The following PSMD6 variants were observed in gnomAD, a reference collection of about 807,000 sequenced individuals.
PSMD6 encodes proteasome 26S subunit, non-ATPase 6.
In PSMD6, 7 loss-of-function variants were observed where a neutral mutation model predicts 44.9. The observed-to-expected ratio is 0.16, with a 90% CI of 0.09 to 0.29. PSMD6 has a LOEUF of 0.29. PSMD6 is among the 10% of genes least tolerant of loss of function. The pLI, the probability that PSMD6 is intolerant of heterozygous loss-of-function variation, is 1.00. For synonymous variants in PSMD6, 184 were observed against 172.7 expected (o/e 1.07, Z -0.51); for missense variants, 420 against 482.6 (o/e 0.87, Z 1.21).
At chr3:64,013,216 C>G in intron 6 of PSMD6, 1 of 446,898 alleles carries the variant, frequency 2.2e-6, no homozygotes, top group Non-Finnish European at 3.9e-6. Context: ...CACTTAGCCT[C>G]ACTACAACTC....
chr3:64,010,798 A>C lies in PSMD6; in HGVS notation c.1074-34T>G, dbSNP rs776717867. On this transcript the variant is annotated intron_variant, in intron 7 of 7. Transcript: ENST00000295901. ...AAATTCAAGAAAAAATGAATTATTTACCAGTCACATTATTCCATGACAATA... is the reference window on the plus strand; with the variant it reads ...AAATTCAAGAAAAAATGAATTATTTCCCAGTCACATTATTCCATGACAATA... The C allele has an allele frequency of 3.2e-6, 5 of 1,580,994 alleles. No individual in the cohort carries two copies. In the South Asian group the frequency reaches 5.6e-5, roughly 18 times the overall value.
At chr3:64,022,603 G>A (rs765437191) in intron 1 of PSMD6, 80 bp from the exon 2 acceptor site, 4 of 1,534,536 alleles carry the variant, frequency 2.6e-6, no homozygotes, top group Non-Finnish European at 2.6e-6. Flanking sequence ...TTCACCCCCC[G>A]CCCCGCCACA....
intron 6 of PSMD6, 99 bp from the exon 7 acceptor site, chr3:64,011,054 T>TAAAATACTGTCTTAAATTTG: frequency 1.0e-6 from 1 of 981,940 alleles, no homozygotes; most frequent in Admixed American, 2.5e-5. Flanking sequence ...TAACAAACAT[T>TAAAATACTGTCTTAAATTTG]TAGCTTCCCT....
chr3:64,013,859 C>T (rs958172687), intron 5 of PSMD6: 3 of 336,570 alleles, frequency 8.9e-6, no homozygotes, highest in African/African-American at 4.2e-5. Context: ...TCTAAAGGAA[C>T]TTGTTCATAG....
rs116714080 is a variant in PSMD6 at position 64,011,500 on chromosome 3, G to C, written c.996-545C>G. 3.7e-3 allele frequency: 553 copies of C among 148,752 alleles called. 2 individuals are homozygous for C. Among genetic ancestry groups the C allele is most frequent in the African/African-American group, 0.014 (526 of 38,426 alleles). The allele number at this position is 148,752 out of a possible 1,614,324, so 9.2% of individuals were successfully genotyped here. A position where few individuals can be genotyped will look rare whatever the true frequency, so the allele number is the denominator to read the frequency against. On this transcript the variant is annotated intron_variant, in intron 6 of 7. Coordinates refer to ENST00000295901, the MANE Select transcript of PSMD6 (RefSeq NM_014814.3). Reference sequence around the variant, plus strand: ...TTTCATCTAAAATGTAACTTTTTAAGGGAGAAAAAAAGAATAAAGAATCCA... The same window carrying C: ...TTTCATCTAAAATGTAACTTTTTAACGGAGAAAAAAAGAATAAAGAATCCA...
At chr3:64,011,246 C>T (rs908022526) in intron 6 of PSMD6, 3 of 251,278 alleles carry the variant, frequency 1.2e-5, no homozygotes, top group Non-Finnish European at 2.2e-5. Context: ...AATTAGGGAC[C>T]AAAACTGATA....
intron 5 of PSMD6, among the ~76,000 whole-genome samples, chr3:64,017,998 G>T (rs2076073679): frequency 6.6e-6 from 1 of 152,204 alleles, no homozygotes; most frequent in South Asian, 2.1e-4. Flanking sequence ...GCAAATGTGT[G>T]AAGGCAGGAT....
chr3:64,018,613 A>T lies in PSMD6; in HGVS notation c.812T>A (p.Phe271Tyr). The T allele has an allele frequency of 1.3e-6, 2 of 1,569,512 alleles. No homozygotes were observed. Among genetic ancestry groups the T allele is most frequent in the Non-Finnish European group, 1.8e-6 (2 of 1,139,844 alleles). Residue 271 changes from phenylalanine to tyrosine, a missense_variant, in exon 5 of 8, where the codon TTC becomes TAC. This residue lies in a region of PSMD6 where 216 missense variants were observed against 227.0 expected (regional missense o/e 0.95). Coordinates refer to ENST00000295901, the MANE Select transcript of PSMD6 (RefSeq NM_014814.3). ...CCTATCCTTACCTAATGATTGGAAGAAAACAGAGTAACGGCATTCATAGAG... is the reference window on the plus strand; with the variant it reads ...CCTATCCTTACCTAATGATTGGAAGTAAACAGAGTAACGGCATTCATAGAG... The part of the protein sequence containing the change: ...FSLYECRYSV[F>Y]FQSLAVVEQE...
intron 2 of PSMD6, 22 bp from the exon 3 acceptor site, chr3:64,019,463 T>C (rs1391230477): frequency 5.6e-6 from 9 of 1,602,058 alleles, no homozygotes; most frequent in Non-Finnish European, 5.9e-6. Flanking sequence ...GCCAAGGCAA[T>C]AGGTGAGAAA....
chr3:64,019,742 T>C (rs1287636587), intron 2 of PSMD6: 9 of 270,532 alleles, frequency 3.3e-5, no homozygotes, highest in Non-Finnish European at 5.4e-5. Flanking sequence ...CTCTGTTCTA[T>C]ATATTCAATG....
intron 2 of PSMD6, among the ~76,000 whole-genome samples, chr3:64,022,073 C>T (rs887594841): frequency 3.3e-5 from 5 of 152,146 alleles, no homozygotes; most frequent in African/African-American, 1.2e-4. Context: ...TGTACACTTA[C>T]GTTTTTATCG....
intron 3 of PSMD6, 33 bp from the exon 4 acceptor site, chr3:64,019,070 G>C (rs766998935): frequency 7.7e-6 from 12 of 1,550,148 alleles, no homozygotes. Context: ...TCATAGTCTG[G>C]AAACAGACAA....
rs746188615 is a variant in PSMD6 at position 64,013,606 on chromosome 3, C to A, written c.828G>T (p.Ala276=). Residue 276 remains alanine, a splice_region_variant and synonymous_variant, in exon 6 of 8, where the codon GCG becomes GCT. Coordinates refer to ENST00000295901, the MANE Select transcript of PSMD6 (RefSeq NM_014814.3). The stretch of plus-strand genomic sequence containing the variant: ...CCTTTTTCATTTCCTGTTCCACAAC[C>A]GCTGCAATGAATAAAATGACAAATT... ...CRYSVFFQSL[A]VVEQEMKKDW... is the part of the protein sequence containing the mutation. 6.3e-7 allele frequency: 1 copy of A among 1,599,226 alleles called. No individual in the cohort carries two copies. The highest frequency in any genetic ancestry group is 1.1e-5 in the South Asian group (1 of 88,160).
chr3:64,015,016 A>G (rs1456599023), intron 5 of PSMD6: 1 of 152,338 alleles, frequency 6.6e-6, no homozygotes, highest in East Asian at 1.9e-4. Context: ...GAAGCAAAGG[A>G]TGGTCAACAT....
chr3:64,013,831 C>G, intron 5 of PSMD6: 1 of 380,058 alleles, frequency 2.6e-6, no homozygotes, highest in Non-Finnish European at 4.7e-6. Flanking sequence ...TATTTGACAT[C>G]ACTATCAGAG....
intron 2 of PSMD6, among the ~76,000 whole-genome samples, chr3:64,021,831 C>G (rs1420659089): frequency 6.6e-6 from 1 of 151,368 alleles, no homozygotes; most frequent in Non-Finnish European, 1.5e-5. Flanking sequence ...AAAAAAATTA[C>G]CAAAAAGTTT....
chr3:64,013,520 C>T lies in PSMD6; in HGVS notation c.914G>A (p.Ser305Asn), dbSNP rs1256812938. Residue 305 changes from serine (S) to asparagine (N), a missense_variant, in exon 6 of 8, where the codon AGT becomes AAT. Transcript: ENST00000295901. ...YVREMRIHAY[S>N]QLLESYRSLT... ...TGACCTATATGATTCCAGCAGCTGA[C>T]TGTATGCATGAATTCTCATTTCTCT... 6.2e-7 allele frequency: 1 copy of T among 1,613,532 alleles called. No individual in the cohort carries two copies. The highest frequency in any genetic ancestry group is 1.1e-5 in the South Asian group (1 of 91,032).
intron 5 of PSMD6, 145 bp from the exon 6 acceptor site, chr3:64,013,752 C>T (rs2075999283): frequency 1.5e-6 from 1 of 674,046 alleles, no homozygotes; most frequent in Non-Finnish European, 2.3e-6. Context: ...ATGTCATCAA[C>T]AATGGCAGCA....
At chr3:64,022,854 A>C in intron 1 of PSMD6, 1 of 1,529,938 alleles carries the variant, frequency 6.5e-7, no homozygotes, top group Non-Finnish European at 8.8e-7. Context: ...CATATGTTCA[A>C]ACATACACAT....
Sources: gnomAD v4.1 joint callset for allele counts (sites outside exome capture counted in the v4.1 genomes callset) on GRCh38, gnomAD v4.1.1 for gene constraint, gnomAD v4.1.1 regional missense constraint, MANE v1.5 for transcripts, NCBI Gene and HGNC (gene_info 2026-07-23, HGNC 2026-07-21) for gene names.